ENAH: variants seen among roughly 807,000 people sequenced by gnomAD.
The protein encoded by ENAH is ENAH actin regulator, also known as protein enabled homolog.
ENAH carries 23 observed loss-of-function variants against 78.7 expected under a neutral mutation model. The observed-to-expected ratio is 0.29, with a 90% CI of 0.21 to 0.41. The LOEUF is 0.41. ENAH is among the 10% of genes least tolerant of loss of function. The pLI, the probability that ENAH is intolerant of heterozygous loss-of-function variation, is 1.00. For missense variants in ENAH, 544 were observed against 691.0 expected (o/e 0.79, Z 2.39); for synonymous variants, 226 against 241.0 (o/e 0.94, Z 0.58).
At chr1:225,519,751 T>G (rs1446243040) in intron 4 of ENAH, among the ~76,000 whole-genome samples, 186 bp from the exon 5 acceptor site, 3 of 152,204 alleles carry the variant, frequency 2.0e-5, no homozygotes, top group Non-Finnish European at 4.4e-5. Flanking sequence ...AAATCATTTC[T>G]CCTATTAGCA....
chr1:225,583,808 CA>C (rs71170095), intron 1 of ENAH, among the ~76,000 whole-genome samples: 117,730 of 132,780 alleles, frequency 0.89, 51,798 homozygotes, highest in African/African-American at 0.93. Context: ...ACCTCCATCT[CA>C]AAAAAAAAAA....
chr1:225,602,468 TTTG>T (rs1233134958), intron 1 of ENAH, among the ~76,000 whole-genome samples: 2 of 152,138 alleles, frequency 1.3e-5, no homozygotes, highest in African/African-American at 4.8e-5. Flanking sequence ...ACAGTGTTTT[TTTG>T]TTGTTAATTA....
intron 11 of ENAH, among the ~76,000 whole-genome samples, chr1:225,501,916 A>T (rs966478642): frequency 7.9e-5 from 12 of 152,184 alleles, no homozygotes; most frequent in South Asian, 2.1e-4. Context: ...GTCCGGCAAT[A>T]AAAGAGTCCC....
At chr1:225,631,801 T>C (rs1425657637) in intron 1 of ENAH, among the ~76,000 whole-genome samples, 1 of 152,020 alleles carries the variant, frequency 6.6e-6, no homozygotes, top group Non-Finnish European at 1.5e-5. Context: ...GTTAGTTGTT[T>C]TGTTTTGTTT....
intron 3 of ENAH, among the ~76,000 whole-genome samples, chr1:225,544,431 T>C (rs2096603710): frequency 6.6e-6 from 1 of 151,920 alleles, no homozygotes; most frequent in African/African-American, 2.4e-5. Context: ...CATCAGACAA[T>C]AGATTATAAG....
intron 1 of ENAH, among the ~76,000 whole-genome samples, chr1:225,635,416 C>A (rs923434467): frequency 1.3e-5 from 2 of 152,166 alleles, no homozygotes; most frequent in South Asian, 2.1e-4. Context: ...GTGTGACGAT[C>A]TTGTACCCTG....
At chr1:225,530,784 A>G in intron 3 of ENAH, 146 bp from the exon 4 acceptor site, 1 of 631,808 alleles carries the variant, frequency 1.6e-6, no homozygotes, top group South Asian at 2.3e-5. Context: ...TAAGCTTTAC[A>G]TAACACAGAG....
Position 225,493,701 on chromosome 1 carries a change from T to C in ENAH, c.*4074A>G, listed in dbSNP as rs144516173. ...GCTACATAAAGGAATTAAGAGCTCC[T>C]GCAGAGTTCCTTTGCGATGTTTGCT... On this transcript the variant is annotated 3_prime_UTR_variant, in exon 14 of 14. Transcript: ENST00000366843. The C allele has an allele frequency of 1.4e-4, 21 of 152,330 alleles. No homozygotes were observed. Among genetic ancestry groups the C allele is most frequent in the African/African-American group, 5.1e-4 (21 of 41,570 alleles). 9.4% of individuals were successfully genotyped at this position (152,330 alleles called of 1,614,324 possible). A position where few individuals can be genotyped will look rare whatever the true frequency, so the allele number is the denominator to read the frequency against.
chr1:225,498,482 A>C, intron 12 of ENAH, 78 bp from the exon 13 acceptor site: 1 of 866,646 alleles, frequency 1.2e-6, no homozygotes, highest in Non-Finnish European at 1.8e-6. Context: ...AAATTTTAAG[A>C]ATGTCATGAA....
At chr1:225,632,423 A>C (rs1659255540) in intron 1 of ENAH, among the ~76,000 whole-genome samples, 1 of 151,076 alleles carries the variant, frequency 6.6e-6, no homozygotes, top group East Asian at 2.0e-4. Context: ...TCTTGAACCT[A>C]GGAGGCGGAG....
intron 1 of ENAH, among the ~76,000 whole-genome samples, chr1:225,617,145 C>T (rs908283526): frequency 1.3e-5 from 2 of 151,858 alleles, no homozygotes. Context: ...TAAGTGCTGA[C>T]CTCAGATCAA....
At chr1:225,582,807 T>C (rs1441269502) in intron 1 of ENAH, among the ~76,000 whole-genome samples, 1 of 152,184 alleles carries the variant, frequency 6.6e-6, no homozygotes, top group Non-Finnish European at 1.5e-5. Flanking sequence ...TGGGACAGTA[T>C]CATTGGGGCT....
At chr1:225,532,162 A>G (rs1206354627) in intron 3 of ENAH, among the ~76,000 whole-genome samples, 1 of 152,134 alleles carries the variant, frequency 6.6e-6, no homozygotes, top group African/African-American at 2.4e-5. Context: ...ATGTAAAAAC[A>G]GACTCTCCTA....
intron 1 of ENAH, among the ~76,000 whole-genome samples, chr1:225,578,447 C>T (rs2096798573): frequency 6.6e-6 from 1 of 152,126 alleles, no homozygotes; most frequent in Admixed American, 6.5e-5. Context: ...TGCATTCCAG[C>T]TTGGGCGACA....
intron 1 of ENAH, among the ~76,000 whole-genome samples, chr1:225,569,347 A>G (rs1229561727): frequency 1.3e-5 from 2 of 152,144 alleles, no homozygotes; most frequent in Non-Finnish European, 2.9e-5. Context: ...TGGGGGAGGG[A>G]CAGCGTTAGG....
chr1:225,554,907 T>A lies in ENAH; in HGVS notation c.348A>T (p.Thr116=). 6.5e-7 allele frequency: 1 copy of A among 1,530,562 alleles called. No homozygotes were observed. The highest frequency in any genetic ancestry group is 8.9e-7 in the Non-Finnish European group (1 of 1,120,822). 94.8% of individuals were successfully genotyped at this position (1,530,562 alleles called of 1,614,324 possible). A position where few individuals can be genotyped will look rare whatever the true frequency, so the allele number is the denominator to read the frequency against. Residue 116 remains threonine, a splice_region_variant and synonymous_variant, in exon 3 of 14, where the codon ACA becomes ACT. Coordinates refer to ENST00000366843, the MANE Select transcript of ENAH (RefSeq NM_018212.6). Reference sequence around the variant, plus strand: ...ACAAATAAACCATGGGCACCTTACCTGTTTCCTGTGAATTTAACACTTCTA... The same window carrying A: ...ACAAATAAACCATGGGCACCTTACCAGTTTCCTGTGAATTTAACACTTCTA... The part of the protein sequence containing the change: ...HALEVLNSQE[T]GPTLPRQNSQ...
intron 3 of ENAH, among the ~76,000 whole-genome samples, chr1:225,550,082 C>G (rs1021164915): frequency 6.6e-6 from 1 of 152,140 alleles, no homozygotes; most frequent in African/African-American, 2.4e-5. Context: ...GCTCCTGACC[C>G]CCACCACATA....
In ENAH at chr1:225,555,098, T is replaced by A; in HGVS notation, c.172-15A>T. The A allele has an allele frequency of 6.6e-7, 1 of 1,505,754 alleles. No homozygotes were observed. The highest frequency in any genetic ancestry group is 9.0e-7 in the Non-Finnish European group (1 of 1,107,172). 93.3% of individuals were successfully genotyped at this position (1,505,754 alleles called of 1,614,324 possible). On this transcript the variant is annotated splice_polypyrimidine_tract_variant and intron_variant, in intron 2 of 13. Transcript: ENST00000366843. ...TTTATCACGACCTAAAAAATAATAA[T>A]TCTTTATAAAGTCAAACCAATAATT...
intron 1 of ENAH, among the ~76,000 whole-genome samples, chr1:225,605,240 T>G: frequency 6.6e-6 from 1 of 152,162 alleles, no homozygotes; most frequent in East Asian, 1.9e-4. Flanking sequence ...CACTCGAAAT[T>G]GACACCTTCT....
Sources: gnomAD v4.1 joint callset for allele counts (sites outside exome capture counted in the v4.1 genomes callset) on GRCh38, gnomAD v4.1.1 for gene constraint, MANE v1.5 for transcripts, NCBI Gene and HGNC (gene_info 2026-07-23, HGNC 2026-07-21) for gene names.